The following MRTFB variants were observed in gnomAD, a reference collection of about 807,000 sequenced individuals.
The protein encoded by MRTFB is myocardin related transcription factor B.
MRTFB carries 29 observed loss-of-function variants against 104.2 expected under a neutral mutation model. The ratio of observed to expected loss-of-function variants is 0.28; its 90% confidence interval spans 0.21 to 0.38. The LOEUF is 0.38. Among genes scored for constraint, MRTFB ranks in the 10% least tolerant of loss-of-function variants. MRTFB has a pLI of 1.00. For synonymous variants in MRTFB, 535 were observed against 519.5 expected (o/e 1.03, Z -0.41); for missense variants, 1,270 against 1,341.6 (o/e 0.95, Z 0.83).
chr16:14,171,532 G>A (rs2039422472), intron 3 of MRTFB, among the ~76,000 whole-genome samples: 1 of 151,320 alleles, frequency 6.6e-6, no homozygotes, highest in Admixed American at 6.6e-5. Flanking sequence ...ACACATCTCT[G>A]TTTCTGGCAC....
chr16:14,145,487 T>C (rs546639399), intron 3 of MRTFB, among the ~76,000 whole-genome samples: 74 of 152,306 alleles, frequency 4.9e-4, no homozygotes, highest in Non-Finnish European at 8.8e-4. Context: ...TTCATATTCA[T>C]GTTACTGATG....
intron 2 of MRTFB, among the ~76,000 whole-genome samples, chr16:14,120,364 T>G (rs752620358): frequency 6.6e-5 from 10 of 152,212 alleles, no homozygotes; most frequent in Non-Finnish European, 1.3e-4. Flanking sequence ...CCCTCCGTTC[T>G]CTAAGTACTT....
the MRTFB span, among the ~76,000 whole-genome samples, chr16:14,040,867 G>A: frequency 1.4e-4 from 21 of 152,242 alleles, no homozygotes; most frequent in Non-Finnish European, 1.6e-4. Context: ...TAATACCAGC[G>A]CTTTGGGAGA....
At chr16:14,124,278 C>T (rs1265497672) in intron 2 of MRTFB, among the ~76,000 whole-genome samples, 1 of 152,200 alleles carries the variant, frequency 6.6e-6, no homozygotes, top group Non-Finnish European at 1.5e-5. Flanking sequence ...CCTGATTGCT[C>T]TGGCCAGAAC....
intron 2 of MRTFB, among the ~76,000 whole-genome samples, chr16:14,105,618 C>A (rs1472762489): frequency 6.6e-6 from 1 of 152,044 alleles, no homozygotes; most frequent in Non-Finnish European, 1.5e-5. Context: ...AGGCTGGTCT[C>A]AAACTCCTGG....
At chr16:14,061,413 T>C in the MRTFB span, among the ~76,000 whole-genome samples, 3 of 152,192 alleles carry the variant, frequency 2.0e-5, no homozygotes, top group Non-Finnish European at 4.4e-5. Context: ...AAGTCAGTCA[T>C]TGGTGAACAG....
chr16:14,197,194 G>A (rs1368124475), intron 3 of MRTFB, among the ~76,000 whole-genome samples: 1 of 151,746 alleles, frequency 6.6e-6, no homozygotes, highest in South Asian at 2.1e-4. Context: ...GGCTGGTCTC[G>A]AACTCCTGAC....
At chr16:14,081,049 T>C (rs1282936524) in intron 2 of MRTFB, among the ~76,000 whole-genome samples, 1 of 152,214 alleles carries the variant, frequency 6.6e-6, no homozygotes, top group Non-Finnish European at 1.5e-5. Flanking sequence ...TATGGTAGTT[T>C]CATTTTTAAT....
At chr16:14,085,615 T>C (rs2034661978) in intron 2 of MRTFB, among the ~76,000 whole-genome samples, 1 of 152,122 alleles carries the variant, frequency 6.6e-6, no homozygotes, top group Admixed American at 6.6e-5. Flanking sequence ...TGGTATTTTA[T>C]TCACTGGTTT....
chr16:14,084,933 C>G (rs1480420560), intron 2 of MRTFB, among the ~76,000 whole-genome samples: 1 of 152,004 alleles, frequency 6.6e-6, no homozygotes. Context: ...ACAAGAAAAT[C>G]AGAGAGCCAG....
the MRTFB span, among the ~76,000 whole-genome samples, chr16:14,036,444 A>G: frequency 6.8e-6 from 1 of 146,864 alleles, no homozygotes; most frequent in African/African-American, 2.5e-5. Flanking sequence ...AGACTTATAT[A>G]TATATATTCC....
At chr16:14,041,215 T>C in the MRTFB span, among the ~76,000 whole-genome samples, 6 of 152,198 alleles carry the variant, frequency 3.9e-5, no homozygotes, top group Non-Finnish European at 7.3e-5. Context: ...ATATAAAATT[T>C]ACCATCTTGG....
intron 8 of MRTFB, among the ~76,000 whole-genome samples, chr16:14,221,332 T>C (rs900369224): frequency 6.6e-6 from 1 of 152,238 alleles, no homozygotes; most frequent in Non-Finnish European, 1.5e-5. Flanking sequence ...ATACTTACTT[T>C]CATATTCGTA....
intron 8 of MRTFB, among the ~76,000 whole-genome samples, chr16:14,226,044 C>A (rs1433559511): frequency 1.3e-5 from 2 of 152,068 alleles, no homozygotes; most frequent in Non-Finnish European, 2.9e-5. Flanking sequence ...TATTTTTCAA[C>A]AATGCAAAAG....
chr16:14,059,013 C>T, the MRTFB span, among the ~76,000 whole-genome samples: 1 of 151,934 alleles, frequency 6.6e-6, no homozygotes, highest in Non-Finnish European at 1.5e-5. Flanking sequence ...AGCCACCGCC[C>T]CCGGCCCAAA....
intron 3 of MRTFB, among the ~76,000 whole-genome samples, chr16:14,165,547 C>A (rs922402534): frequency 1.3e-5 from 2 of 152,306 alleles, no homozygotes; most frequent in East Asian, 3.9e-4. Flanking sequence ...TCCAGCCCTG[C>A]TGCACTACTC....
At chr16:14,029,530 C>CACATAT in the MRTFB span, among the ~76,000 whole-genome samples, 24 of 145,732 alleles carry the variant, frequency 1.6e-4, no homozygotes, top group Non-Finnish European at 2.4e-4. Flanking sequence ...CACACACACA[C>CACATAT]ATATATATAT....
In MRTFB at chr16:14,261,479, T is replaced by A; in HGVS notation, c.*35T>A. 6.5e-7 allele frequency: 1 copy of A among 1,538,690 alleles called. No homozygotes were observed. ...TTTCTTTTCTGAGAGTTGATGAGGT[T>A]TAAGAACATGAAGATTCTAAAAGGT... On this transcript the variant is annotated 3_prime_UTR_variant, in exon 17 of 17. Coordinates refer to ENST00000571589, the MANE Select transcript of MRTFB (RefSeq NM_001308142.2).
chr16:14,025,606 C>A, the MRTFB span, among the ~76,000 whole-genome samples: 5 of 152,148 alleles, frequency 3.3e-5, no homozygotes, highest in Non-Finnish European at 7.3e-5. Flanking sequence ...GCTCCTGGGG[C>A]CCTGTGGGCC....
Sources: gnomAD v4.1 joint callset for allele counts (sites outside exome capture counted in the v4.1 genomes callset) on GRCh38, gnomAD v4.1.1 for gene constraint, MANE v1.5 for transcripts, NCBI Gene and HGNC (gene_info 2026-07-23, HGNC 2026-07-21) for gene names.